Variants in LRRC8A observed in about 807,000 individuals in gnomAD.
LRRC8A encodes volume-regulated anion channel subunit LRRC8A.
A neutral mutation model predicts 52.5 loss-of-function variants in LRRC8A; 24 were observed. That is an observed-to-expected ratio of 0.46 (90% confidence interval 0.33 to 0.64). LRRC8A has a LOEUF of 0.64. LRRC8A is among the 30% of genes least tolerant of loss of function. The pLI is 0.02. For missense variants in LRRC8A, 677 were observed against 1,094.7 expected, an observed-to-expected ratio of 0.62 and a Z score of 5.38; for synonymous variants, 492 against 494.2, an observed-to-expected ratio of 1.00 and a Z score of 0.06.
chr9:128,907,263 C>A lies in LRRC8A; in HGVS notation c.99C>A (p.Ile33=). 1 of 1,614,094 alleles carries A rather than the reference C, an allele frequency of 6.2e-7. No homozygotes were observed. Among genetic ancestry groups the A allele is most frequent in the East Asian group, 2.2e-5 (1 of 44,888 alleles). ...WWDVFTDYIS[I]VMLMIAVFGG... ...ATGTGTTCACAGACTACATCTCTATCGTCATGCTGATGATTGCCGTCTTCG... is the reference window on the plus strand; with the variant it reads ...ATGTGTTCACAGACTACATCTCTATAGTCATGCTGATGATTGCCGTCTTCG... The change falls in exon 3 of 4, where the codon ATC becomes ATA. Residue 33 remains isoleucine (I), a synonymous_variant. Coordinates refer to ENST00000372600, the MANE Select transcript of LRRC8A (RefSeq NM_019594.4). This position sits in a 1 kb window ranked among gnomAD's most constrained non-coding sequence, Gnocchi z 9.3.
intron 2 of LRRC8A, among the ~76,000 whole-genome samples, chr9:128,888,480 T>A (rs1461459497): frequency 6.6e-6 from 1 of 152,158 alleles, no homozygotes; most frequent in African/African-American, 2.4e-5. Flanking sequence ...CAGTTTACCC[T>A]TGCTGTATCT....
rs991651373 is a variant in LRRC8A at position 128,902,812 on chromosome 9, C to T, written c.-8-4345C>T. Among the ~76,000 whole-genome samples, 6 of 152,152 alleles carry T rather than the reference C, an allele frequency of 3.9e-5. No individual in the cohort carries two copies. The highest frequency in any genetic ancestry group is 1.2e-4 in the African/African-American group (5 of 41,440). ...AGAGGGCCCGGGCCTTCCTGTGGGG[C>T]GGGTGCTTGCCCTGGCCCGTGAGTC... On this transcript the variant is annotated intron_variant, in intron 2 of 3. Coordinates refer to ENST00000372600, the MANE Select transcript of LRRC8A (RefSeq NM_019594.4). This position sits in a 1 kb window ranked among gnomAD's most constrained non-coding sequence, Gnocchi z 4.1.
chr9:128,886,832 C>T (rs1214852124), intron 2 of LRRC8A, among the ~76,000 whole-genome samples: 3 of 152,162 alleles, frequency 2.0e-5, no homozygotes, highest in East Asian at 1.9e-4. Flanking sequence ...ATACTCAGGT[C>T]GGTGATCTCA....
At chr9:128,893,019 G>T (rs1208952433) in intron 2 of LRRC8A, among the ~76,000 whole-genome samples, 2 of 151,994 alleles carry the variant, frequency 1.3e-5, no homozygotes, top group Non-Finnish European at 2.9e-5. Context: ...GGTGCGTGCT[G>T]GGGGGGTCTC....
Position 128,909,078 on chromosome 9 carries a change from G to C in LRRC8A, c.1914G>C (p.Leu638=). The C allele has an allele frequency of 6.2e-7, 1 of 1,614,104 alleles. No homozygotes were observed. The highest frequency in any genetic ancestry group is 2.2e-5 in the East Asian group (1 of 44,878). The change falls in exon 3 of 4, where the codon CTG becomes CTC. Residue 638 remains leucine (L), a synonymous_variant. Transcript: ENST00000372600. ...TIEEIISFQH[L]HRLTCLKLWY... The stretch of plus-strand genomic sequence containing the variant: ...AGGAGATCATCAGCTTCCAGCACCT[G>C]CACCGCCTCACCTGCCTTAAGCTGT...
chr9:128,894,783 ACT>A lies in LRRC8A; in HGVS notation c.-9+8665_-9+8666del, dbSNP rs1294502032. On this transcript the variant is annotated intron_variant, in intron 2 of 3. Coordinates refer to ENST00000372600, the MANE Select transcript of LRRC8A (RefSeq NM_019594.4). ...ACTCCAGCCTTGGCAACAGAGTGAG[ACT>A]CTACCTCAAAAAAAAAAAAAAAAAG... Among the ~76,000 whole-genome samples the A allele has an allele frequency of 7.8e-5, 7 of 89,776 alleles. No individual in the cohort carries two copies. In the East Asian group the frequency reaches 1.6e-3, roughly 21 times the overall value. 58.9% of individuals were successfully genotyped at this position (89,776 alleles called of 152,430 possible).
intron 2 of LRRC8A, among the ~76,000 whole-genome samples, chr9:128,886,908 A>G (rs1017431134): frequency 6.6e-6 from 1 of 152,152 alleles, no homozygotes; most frequent in Non-Finnish European, 1.5e-5. Context: ...GAAACTGAGA[A>G]TCAGAGTGAG....
chr9:128,915,387 C>T (rs981266843), intron 3 of LRRC8A, among the ~76,000 whole-genome samples: 3 of 152,184 alleles, frequency 2.0e-5, no homozygotes, highest in East Asian at 1.9e-4. Flanking sequence ...AGTGCAGTGG[C>T]GCGATGTCGG....
At chr9:128,887,879 G>A (rs1290555584) in intron 2 of LRRC8A, among the ~76,000 whole-genome samples, 1 of 151,556 alleles carries the variant, frequency 6.6e-6, no homozygotes, top group Non-Finnish European at 1.5e-5. Context: ...TCCTGACCTT[G>A]TGATCCGCCG....
chr9:128,903,896 C>T (rs1029306301), intron 2 of LRRC8A, among the ~76,000 whole-genome samples: 32 of 152,132 alleles, frequency 2.1e-4, no homozygotes, highest in African/African-American at 5.5e-4. Flanking sequence ...GATGTGGTGG[C>T]GGGCGTCTGT....
At position 128,916,022 on chromosome 9, in the gene LRRC8A, G is replaced by C; in HGVS notation, c.2158-74G>C. The C allele has an allele frequency of 6.7e-7, 1 of 1,499,384 alleles. No individual in the cohort carries two copies. The highest frequency in any genetic ancestry group is 2.3e-5 in the East Asian group (1 of 43,864). 92.9% of individuals were successfully genotyped at this position (1,499,384 alleles called of 1,614,324 possible). On this transcript the variant is annotated intron_variant, in intron 3 of 3. Coordinates refer to ENST00000372600, the MANE Select transcript of LRRC8A (RefSeq NM_019594.4). The surrounding 1 kb of genome is among the most constrained non-coding windows in gnomAD (Gnocchi z 6.1). The stretch of plus-strand genomic sequence containing the variant: ...AAAAGATGCTGAGATCTTGGGGAGA[G>C]AGGGAAGGGAAGCCCAGAGGCCCCG...
rs962761482 is a variant in LRRC8A, at chr9:128,892,328, C to T, written c.-9+6207C>T. On this transcript the variant is annotated intron_variant, in intron 2 of 3. Coordinates refer to ENST00000372600, the MANE Select transcript of LRRC8A (RefSeq NM_019594.4). The surrounding 1 kb of genome is among the most constrained non-coding windows in gnomAD (Gnocchi z 5.2). ...CCTGCTGCCTCTCTCTGCTTGGCTC[C>T]GGAGCTGCTGGGGGAAGCCCAGGTG... 4.6e-5 allele frequency among the ~76,000 whole-genome samples: 7 copies of T among 152,052 alleles called. No homozygotes were observed. Among genetic ancestry groups the T allele is most frequent in the African/African-American group, 7.2e-5 (3 of 41,400 alleles).
chr9:128,916,280 G>A lies in LRRC8A; in HGVS notation c.2342G>A (p.Arg781His), dbSNP rs766650861. The change falls in exon 4 of 4, where the codon CGC becomes CAC. Residue 781 changes from arginine to histidine, a missense_variant. This residue lies in a region of LRRC8A where 169 missense variants were observed against 217.6 expected (regional missense o/e 0.78). Coordinates refer to ENST00000372600, the MANE Select transcript of LRRC8A (RefSeq NM_019594.4). The surrounding 1 kb of genome is among the most constrained non-coding windows in gnomAD (Gnocchi z 6.1). Reference protein sequence around the residue: ...VELGECPLLKRSGLVVEEDLF... With the variant: ...VELGECPLLKHSGLVVEEDLF... Reference sequence around the variant, plus strand: ...CTGGGCGAGTGCCCACTGCTCAAGCGCAGCGGCTTGGTGGTGGAGGAGGAC... The same window carrying A: ...CTGGGCGAGTGCCCACTGCTCAAGCACAGCGGCTTGGTGGTGGAGGAGGAC... 1.5e-5 allele frequency: 24 copies of A among 1,613,582 alleles called. No individual in the cohort carries two copies. Among genetic ancestry groups the A allele is most frequent in the South Asian group, 1.1e-4 (10 of 91,066 alleles).
intron 2 of LRRC8A, among the ~76,000 whole-genome samples, chr9:128,906,751 G>GAA (rs995746328): frequency 1.3e-5 from 2 of 152,212 alleles, no homozygotes; most frequent in East Asian, 3.8e-4. Context: ...GGTTCCCAGT[G>GAA]AACTGGGAGT....
At chr9:128,886,847 A>G (rs1317929309) in intron 2 of LRRC8A, among the ~76,000 whole-genome samples, 2 of 152,144 alleles carry the variant, frequency 1.3e-5, no homozygotes, top group Non-Finnish European at 2.9e-5. Flanking sequence ...ATCTCATTTG[A>G]CCATTTGAGG....
At position 128,916,449 on chromosome 9, in the gene LRRC8A, C is replaced by T. The variant is rs1245733049; in HGVS notation, c.*78C>T. 4 of 1,490,678 alleles carry T rather than the reference C, an allele frequency of 2.7e-6. No homozygotes were observed. The highest frequency in any genetic ancestry group is 1.4e-5 in the African/African-American group (1 of 72,378). 92.3% of individuals were successfully genotyped at this position (1,490,678 alleles called of 1,614,324 possible). On this transcript the variant is annotated 3_prime_UTR_variant, in exon 4 of 4. Transcript: ENST00000372600. This position sits in a 1 kb window ranked among gnomAD's most constrained non-coding sequence, Gnocchi z 6.1. The stretch of plus-strand genomic sequence containing the variant: ...CCGGAGGGGCAGGCCTAGCTTCTCC[C>T]AGAACTCCCGGACAGCCAGGACAGC...
At chr9:128,897,599 C>A (rs867227799) in intron 2 of LRRC8A, among the ~76,000 whole-genome samples, 1 of 151,894 alleles carries the variant, frequency 6.6e-6, no homozygotes, top group East Asian at 1.9e-4. Context: ...GGCTGGGGTG[C>A]AATGGCGCAA....
intron 2 of LRRC8A, among the ~76,000 whole-genome samples, chr9:128,886,646 G>A (rs1017453677): frequency 4.6e-5 from 7 of 152,218 alleles, no homozygotes; most frequent in Non-Finnish European, 8.8e-5. Context: ...TTTGGGGACT[G>A]GGATTCCTTG....
intron 3 of LRRC8A, among the ~76,000 whole-genome samples, chr9:128,915,170 A>G (rs946276904): frequency 3.3e-5 from 5 of 152,166 alleles, no homozygotes; most frequent in Non-Finnish European, 7.3e-5. Context: ...TGTTAACAGT[A>G]ATTGCTCCAT....
Sources: allele counts gnomAD v4.1 joint callset (sites outside exome capture counted in the v4.1 genomes callset), GRCh38; gene constraint gnomAD v4.1.1; regional missense constraint gnomAD v4.1.1; non-coding constraint Gnocchi (gnomAD v3.1); transcripts MANE v1.5; gene names NCBI Gene and HGNC (gene_info 2026-07-23, HGNC 2026-07-21).